Variants in FLVCR1 observed in about 807,000 individuals in gnomAD.
The protein encoded by FLVCR1 is FLVCR choline and heme transporter 1.
A neutral mutation model predicts 53.6 loss-of-function variants in FLVCR1; 34 were observed. The ratio of observed to expected loss-of-function variants is 0.63; its 90% confidence interval spans 0.48 to 0.84. The LOEUF (loss-of-function observed/expected upper bound fraction) is 0.84. Among genes scored for constraint, FLVCR1 ranks in the 40% least tolerant of loss-of-function variants. FLVCR1 has a pLI of 0.00. For synonymous variants in FLVCR1, 300 were observed against 286.3 expected, an observed-to-expected ratio of 1.05 and a Z score of -0.48; for missense variants, 677 against 696.7, an observed-to-expected ratio of 0.97 and a Z score of 0.32.
rs896210692 is a variant in FLVCR1 at position 212,859,439 on chromosome 1, C to T, written c.738+249C>T. Among the ~76,000 whole-genome samples the T allele has an allele frequency of 5.3e-4, 80 of 152,222 alleles. 1 individual carries two copies. Among genetic ancestry groups the T allele is most frequent in the African/African-American group, 1.6e-3 (68 of 41,532 alleles). On this transcript the variant is annotated intron_variant, in intron 1 of 9. Coordinates refer to ENST00000366971, the MANE Select transcript of FLVCR1 (RefSeq NM_014053.4). ...TTACCTATAAAATAATTAACTGGGC[C>T]GGGCGCGGTGGCACACACCTGTAAT...
In FLVCR1 at chr1:212,874,207, C is replaced by A. The variant is rs1375392082; in HGVS notation, c.1024+1389C>A. On this transcript the variant is annotated intron_variant, in intron 3 of 9. Transcript: ENST00000366971. ...TATTTTTAGTAGAGAAGGGGTTTCA[C>A]CATGTTGGCCAGGCTGGTCTCAAAC... Among the ~76,000 whole-genome samples the A allele has an allele frequency of 3.3e-5, 5 of 152,200 alleles. No homozygotes were observed. In the East Asian group the frequency reaches 9.6e-4, roughly 29 times the overall value.
intron 4 of FLVCR1, 121 bp from the exon 5 acceptor site, chr1:212,885,171 TC>T (rs1665026275): frequency 2.7e-6 from 2 of 753,104 alleles, no homozygotes; most frequent in Admixed American, 3.9e-5. Context: ...TACTAAATCT[TC>T]CTACTGTGTG....
chr1:212,880,029 C>T (rs1664880164), intron 3 of FLVCR1, among the ~76,000 whole-genome samples: 1 of 148,174 alleles, frequency 6.7e-6, no homozygotes, highest in Admixed American at 6.9e-5. Flanking sequence ...ATCCTTATTT[C>T]AGTATGTATT....
Position 212,859,135 on chromosome 1 carries a change from G to A in FLVCR1, c.683G>A (p.Trp228Ter). 6.2e-7 allele frequency: 1 copy of A among 1,613,988 alleles called. No homozygotes were observed. Among genetic ancestry groups the A allele is most frequent in the South Asian group, 1.1e-5 (1 of 91,070 alleles). ...TTGCCCTCCCGCATCGCCTCAGTGT[G>A]GTTTGGGCCCAAAGAGGTGTCCACA... ...LGLPSRIASV[W>*]FGPKEVSTAC... is the part of the protein sequence containing the mutation. Residue 228 changes from tryptophan to a stop codon, truncating the protein, a stop_gained, in exon 1 of 10, where the codon TGG becomes TAG. Coordinates refer to ENST00000366971, the MANE Select transcript of FLVCR1 (RefSeq NM_014053.4). LOFTEE classifies it high-confidence loss of function.
At chr1:212,879,956 A>T (rs1664877215) in intron 3 of FLVCR1, among the ~76,000 whole-genome samples, 1 of 144,902 alleles carries the variant, frequency 6.9e-6, no homozygotes, top group African/African-American at 2.5e-5. Context: ...ACCATACTCT[A>T]GGTTCAGATA....
chr1:212,895,652 G>A lies in FLVCR1; in HGVS notation c.*362G>A. ...AATACTTTTTAAAGTGATAATATGG[G>A]GTGTTCAGTCCCCATAAGATATAAT... is the stretch of plus-strand genomic sequence containing the variant. On this transcript the variant is annotated 3_prime_UTR_variant, in exon 10 of 10. Coordinates refer to ENST00000366971, the MANE Select transcript of FLVCR1 (RefSeq NM_014053.4). 1 of 320,082 alleles carries A rather than the reference G, an allele frequency of 3.1e-6. No individual in the cohort carries two copies. Among genetic ancestry groups the A allele is most frequent in the Non-Finnish European group, 6.0e-6 (1 of 166,592 alleles). The allele number at this position is 320,082 out of a possible 1,614,324, so 19.8% of individuals were successfully genotyped here. A position where few individuals can be genotyped will look rare whatever the true frequency, so the allele number is the denominator to read the frequency against.
At chr1:212,865,920 G>GGC (rs1325313561) in intron 2 of FLVCR1, among the ~76,000 whole-genome samples, 1 of 60,442 alleles carries the variant, frequency 1.7e-5, no homozygotes, top group Admixed American at 1.4e-4. Flanking sequence ...GGTTCAAGCA[G>GGC]TTCTCGTGCC....
chr1:212,861,789 C>A (rs1664247901), intron 1 of FLVCR1, among the ~76,000 whole-genome samples: 1 of 152,132 alleles, frequency 6.6e-6, no homozygotes, highest in Non-Finnish European at 1.5e-5. Context: ...CCTGCCTCAG[C>A]CTCCCGTGTA....
chr1:212,883,154 C>G (rs1373201836), intron 3 of FLVCR1, among the ~76,000 whole-genome samples: 1 of 152,088 alleles, frequency 6.6e-6, no homozygotes, highest in Admixed American at 6.6e-5. Context: ...GCTATTACAT[C>G]TTTAGTACAG....
chr1:212,887,780 G>A (rs1665096101), intron 5 of FLVCR1, 111 bp from the exon 6 acceptor site: 1 of 655,174 alleles, frequency 1.5e-6, no homozygotes, highest in Non-Finnish European at 2.8e-6. Context: ...TGGACAAGAA[G>A]GGGTGAACTT....
At chr1:212,888,400 GA>G in intron 6 of FLVCR1, 88 bp from the exon 7 acceptor site, 1 of 909,074 alleles carries the variant, frequency 1.1e-6, no homozygotes, top group Non-Finnish European at 1.8e-6. Flanking sequence ...TTGGTCATTA[GA>G]ATAAGCCCGA....
At chr1:212,885,937 T>G (rs1665053319) in intron 5 of FLVCR1, among the ~76,000 whole-genome samples, 2 of 152,100 alleles carry the variant, frequency 1.3e-5, no homozygotes, top group Admixed American at 6.6e-5. Flanking sequence ...TATGAGCCCC[T>G]TCTTTCTAAC....
chr1:212,893,955 A>G (rs558682458), intron 8 of FLVCR1, among the ~76,000 whole-genome samples: 1 of 151,958 alleles, frequency 6.6e-6, no homozygotes, highest in Admixed American at 6.6e-5. Context: ...TTTGTATTTT[A>G]GTAGAGATGG....
chr1:212,895,058 GTAAT>G lies in FLVCR1; in HGVS notation c.1593+6_1593+9del. The G allele has an allele frequency of 6.6e-7, 1 of 1,525,890 alleles. No individual in the cohort carries two copies. The highest frequency in any genetic ancestry group is 9.1e-7 in the Non-Finnish European group (1 of 1,099,714). The allele number at this position is 1,525,890 out of a possible 1,614,324, so 94.5% of individuals were successfully genotyped here. A position where few individuals can be genotyped will look rare whatever the true frequency, so the allele number is the denominator to read the frequency against. On this transcript the variant is annotated splice_donor_region_variant and intron_variant, in intron 9 of 9. Transcript: ENST00000366971. The stretch of plus-strand genomic sequence containing the variant: ...ACAAATGTTGATGTTAAAGCTGTAA[GTAAT>G]ATTTTTATGATTATACTGTTGAGAA...
In FLVCR1 at chr1:212,863,770, AAC is replaced by A; in HGVS notation, c.790_791del (p.Gln264GlufsTer2). The stretch of plus-strand genomic sequence containing the variant: ...TTTGCTACCACCAGTTTTAGTACCC[AAC>A]ACACAGAATGACACAAATCTCCTGG... Reference protein sequence around the residue: ...GFLLPPVLVPNTQNDTNLLAC... With the variant: ...GFLLPPVLVPXTQNDTNLLAC... On this transcript the variant is annotated frameshift_variant, in exon 2 of 10. Coordinates refer to ENST00000366971, the MANE Select transcript of FLVCR1 (RefSeq NM_014053.4). LOFTEE classifies it high-confidence loss of function. 1 of 1,614,046 alleles carries A rather than the reference AAC, an allele frequency of 6.2e-7. No homozygotes were observed. Among genetic ancestry groups the A allele is most frequent in the Non-Finnish European group, 8.5e-7 (1 of 1,179,924 alleles).
rs1665367504 is a variant in FLVCR1, at chr1:212,897,299, G to A, written c.*2009G>A. The A allele has an allele frequency of 6.6e-6, 1 of 151,204 alleles. No individual in the cohort carries two copies. The highest frequency in any genetic ancestry group is 1.5e-5 in the Non-Finnish European group (1 of 68,176). The allele number at this position is 151,204 out of a possible 1,614,324, so 9.4% of individuals were successfully genotyped here. Reference sequence around the variant, plus strand: ...GGTGGATCATTTGAGGCCAGGAGTTGAAGACCAGTCTGGCCAACATGGCAA... The same window carrying A: ...GGTGGATCATTTGAGGCCAGGAGTTAAAGACCAGTCTGGCCAACATGGCAA... On this transcript the variant is annotated 3_prime_UTR_variant, in exon 10 of 10. Coordinates refer to ENST00000366971, the MANE Select transcript of FLVCR1 (RefSeq NM_014053.4).
chr1:212,883,917 T>G (rs1271697317), intron 4 of FLVCR1, among the ~76,000 whole-genome samples: 1 of 152,018 alleles, frequency 6.6e-6, no homozygotes, highest in African/African-American at 2.4e-5. Flanking sequence ...AGTGACACCA[T>G]TCTATGTGGT....
chr1:212,895,180 T>C (rs1386510408), intron 9 of FLVCR1, 36 bp from the exon 10 acceptor site: 2 of 1,511,794 alleles, frequency 1.3e-6, no homozygotes, highest in Non-Finnish European at 9.2e-7. Flanking sequence ...ATATGCCAGA[T>C]GCTATACATT....
At chr1:212,882,148 T>G (rs1233766379) in intron 3 of FLVCR1, among the ~76,000 whole-genome samples, 1 of 152,202 alleles carries the variant, frequency 6.6e-6, no homozygotes, top group East Asian at 1.9e-4. Flanking sequence ...GATATATACT[T>G]AGAGAAGCTC....
Sources: gnomAD v4.1 joint callset for allele counts (sites outside exome capture counted in the v4.1 genomes callset) on GRCh38, gnomAD v4.1.1 for gene constraint, MANE v1.5 for transcripts, NCBI Gene and HGNC (gene_info 2026-07-23, HGNC 2026-07-21) for gene names.